CLASRP: variants seen among roughly 807,000 people sequenced by gnomAD.
CLASRP encodes CLK4-associating serine/arginine rich protein.
CLASRP carries 52 observed loss-of-function variants against 99.9 expected under a neutral mutation model. The observed-to-expected ratio is 0.52, with a 90% CI of 0.42 to 0.66. The LOEUF is 0.66. Ranked by LOEUF, CLASRP falls within the 30% of genes least tolerant of loss-of-function variation. CLASRP has a pLI of 0.00. For synonymous variants in CLASRP, 379 were observed against 373.0 expected (o/e 1.02, Z -0.18); for missense variants, 848 against 999.2 (o/e 0.85, Z 2.04).
In CLASRP at chr19:45,064,497, C is replaced by G. The variant is rs906709447; in HGVS notation, c.1276C>G (p.Arg426Gly). The G allele has an allele frequency of 1.3e-6, 2 of 1,535,898 alleles. No homozygotes were observed. Among genetic ancestry groups the G allele is most frequent in the African/African-American group, 2.7e-5 (2 of 72,940 alleles). The change falls in exon 13 of 21, where the codon CGC becomes GGC. Residue 426 changes from arginine to glycine, a missense_variant. Around this residue, in one of 8 missense-constraint regions of CLASRP, gnomAD observed 489 missense variants for 434.7 expected, o/e 1.12. Transcript: ENST00000221455. ...CCGGTCCCGCTCCTGGTCCCGCTCC[C>G]GCTCCCGCTCCCGGCGCTATTCCCG... ...RSRSRSWSRSRSRSRRYSRSR... is the reference protein window; with the variant it reads ...RSRSRSWSRSGSRSRRYSRSR...
intron 10 of CLASRP, among the ~76,000 whole-genome samples, chr19:45,061,176 A>G (rs1458770267): frequency 6.6e-6 from 1 of 152,196 alleles, no homozygotes; most frequent in African/African-American, 2.4e-5. Flanking sequence ...GTGCAAACCC[A>G]TGCCTCTTTT....
At chr19:45,039,504 C>G (rs965377734) in intron 1 of CLASRP, 1 of 152,634 alleles carries the variant, frequency 6.6e-6, no homozygotes, top group African/African-American at 2.4e-5. Context: ...CCAGCTCCGC[C>G]TCTCTCAGGC....
In CLASRP at chr19:45,060,605, G is replaced by T. The variant is rs760206390; in HGVS notation, c.841G>T (p.Gly281Cys). 1.9e-6 allele frequency: 3 copies of T among 1,608,172 alleles called. No homozygotes were observed. The highest frequency in any genetic ancestry group is 2.5e-6 in the Non-Finnish European group (3 of 1,178,024). Residue 281 changes from glycine to cysteine, a missense_variant, in exon 10 of 21, where the codon GGT (glycine) becomes TGT (cysteine). Physicochemically the swap from Gly to Cys is radical, Grantham distance 159. Transcript: ENST00000221455. This position sits in a 1 kb window ranked among gnomAD's most constrained non-coding sequence, Gnocchi z 4.6. Reference sequence around the variant, plus strand: ...AGAGTTTCGGGAGAAGCGGCTGAGGGGTCGCAAGATCAGCCCACCCAGGTA... The same window carrying T: ...AGAGTTTCGGGAGAAGCGGCTGAGGTGTCGCAAGATCAGCCCACCCAGGTA... The part of the protein sequence containing the change: ...RREFREKRLR[G>C]RKISPPSYAR...
At chr19:45,058,203 C>T (rs1188687271) in intron 7 of CLASRP, 1 of 385,202 alleles carries the variant, frequency 2.6e-6, no homozygotes, top group East Asian at 4.8e-5. Flanking sequence ...CTCTCCTGCT[C>T]TCTTCCCTCC....
intron 5 of CLASRP, among the ~76,000 whole-genome samples, chr19:45,056,187 C>G (rs1048654288): frequency 6.6e-6 from 1 of 152,200 alleles, no homozygotes; most frequent in Non-Finnish European, 1.5e-5. Flanking sequence ...GCCAGGCACT[C>G]ACTCTGCCCG....
chr19:45,070,451 T>C, intron 19 of CLASRP, 86 bp from the exon 20 acceptor site: 1 of 1,216,868 alleles, frequency 8.2e-7, no homozygotes, highest in Non-Finnish European at 1.2e-6. Context: ...CCCCTGAAGT[T>C]CAGTTTTGAG....
At chr19:45,065,795 G>A (rs1432099516) in intron 13 of CLASRP, among the ~76,000 whole-genome samples, 4 of 152,164 alleles carry the variant, frequency 2.6e-5, no homozygotes, top group East Asian at 3.9e-4. Flanking sequence ...CTGTAAAATC[G>A]CGGTAATAGC....
rs1204533071 is a variant in CLASRP at position 45,064,332 on chromosome 19, C to T, written c.1122-11C>T. On this transcript the variant is annotated splice_polypyrimidine_tract_variant and intron_variant, in intron 12 of 20. Coordinates refer to ENST00000221455, the MANE Select transcript of CLASRP (RefSeq NM_007056.3). Reference sequence around the variant, plus strand: ...GCCTGCGCTGACCGGCCCTCCGTGCCCCGCCTGCAGCCGCCGCTCCTCCTC... The same window carrying T: ...GCCTGCGCTGACCGGCCCTCCGTGCTCCGCCTGCAGCCGCCGCTCCTCCTC... 4 of 1,522,352 alleles carry T rather than the reference C, an allele frequency of 2.6e-6. No homozygotes were observed. Among genetic ancestry groups the T allele is most frequent in the Non-Finnish European group, 3.5e-6 (4 of 1,139,002 alleles). 94.3% of individuals were successfully genotyped at this position (1,522,352 alleles called of 1,614,324 possible). A position where few individuals can be genotyped will look rare whatever the true frequency, so the allele number is the denominator to read the frequency against.
intron 18 of CLASRP, chr19:45,069,672 C>T (rs1328728168): frequency 1.8e-5 from 8 of 437,980 alleles, no homozygotes; most frequent in Admixed American, 3.8e-5. Flanking sequence ...AGGCCAGGCA[C>T]GGAGGAGGCA....
chr19:45,057,924 A>C (rs1181225751), intron 7 of CLASRP, 26 bp downstream of exon 7: 1 of 1,612,262 alleles, frequency 6.2e-7, no homozygotes, highest in East Asian at 2.2e-5. Flanking sequence ...TGCCCTCCCC[A>C]CCTGCAGTCC....
chr19:45,040,355 G>A lies in CLASRP; in HGVS notation c.99+44G>A, dbSNP rs376349112. 2.3e-5 allele frequency: 32 copies of A among 1,401,706 alleles called. No homozygotes were observed. The African/African-American group carries it at 3.2e-4, about 14-fold the overall frequency. The allele number at this position is 1,401,706 out of a possible 1,614,324, so 86.8% of individuals were successfully genotyped here. On this transcript the variant is annotated intron_variant, in intron 2 of 20. Coordinates refer to ENST00000221455, the MANE Select transcript of CLASRP (RefSeq NM_007056.3). Reference sequence around the variant, plus strand: ...GTCTGGGGTGAGGGACCCTGGGTTGGGGGGCACAGCTGGTCATCCTGGTAA... The same window carrying A: ...GTCTGGGGTGAGGGACCCTGGGTTGAGGGGCACAGCTGGTCATCCTGGTAA...
rs754087821 is a variant in CLASRP, at chr19:45,069,197, T to A, written c.1828-5T>A. On this transcript the variant is annotated splice_region_variant and splice_polypyrimidine_tract_variant and intron_variant, in intron 17 of 20. Transcript: ENST00000221455. The stretch of plus-strand genomic sequence containing the variant: ...GCCACGTCCTCATAGCCCTGTCTGC[T>A]GCAGGAGCGGGAAGACGAGCTTCGA... The A allele has an allele frequency of 1.2e-6, 2 of 1,614,092 alleles. No individual in the cohort carries two copies. The highest frequency in any genetic ancestry group is 2.2e-5 in the South Asian group (2 of 91,084).
chr19:45,056,702 CAG>C (rs1430640578), intron 6 of CLASRP, among the ~76,000 whole-genome samples, 168 bp downstream of exon 6: 1 of 152,198 alleles, frequency 6.6e-6, no homozygotes, highest in Non-Finnish European at 1.5e-5. Flanking sequence ...GAAGCCCTGT[CAG>C]GGGGCCCCGG....
intron 18 of CLASRP, 152 bp downstream of exon 18, chr19:45,069,400 C>T (rs577099649): frequency 2.6e-6 from 2 of 763,764 alleles, no homozygotes; most frequent in South Asian, 1.6e-5. Context: ...GCCCAGCTGC[C>T]TCTCTTGCTC....
chr19:45,039,215 C>G (rs1600088651), intron 1 of CLASRP, 107 bp downstream of exon 1: 1 of 152,458 alleles, frequency 6.6e-6, no homozygotes, highest in East Asian at 1.9e-4. Flanking sequence ...TGCTGCGTCC[C>G]GGCCCCGAGG....
chr19:45,062,177 C>A lies in CLASRP; in HGVS notation c.887C>A (p.Thr296Asn). The change falls in exon 11 of 21, where the codon ACC becomes AAC. Residue 296 changes from threonine (T) to asparagine (N), a missense_variant. Thr to Asn is a moderately conservative substitution (Grantham distance 65). Around this residue, in one of 8 missense-constraint regions of CLASRP, gnomAD observed 489 missense variants for 434.7 expected, o/e 1.12. Coordinates refer to ENST00000221455, the MANE Select transcript of CLASRP (RefSeq NM_007056.3). ...PPSYARRDSP[T>N]YDPYKRSPSE... The stretch of plus-strand genomic sequence containing the variant: ...AGCTATGCCCGCCGAGACAGCCCCA[C>A]CTATGACCCCTATAAGCGGTAAGTT... 6.5e-7 allele frequency: 1 copy of A among 1,545,598 alleles called. No individual in the cohort carries two copies. Among genetic ancestry groups the A allele is most frequent in the Non-Finnish European group, 8.9e-7 (1 of 1,117,708 alleles).
At chr19:45,056,608 C>T in intron 6 of CLASRP, 74 bp downstream of exon 6, 1 of 1,182,512 alleles carries the variant, frequency 8.5e-7, no homozygotes, top group Non-Finnish European at 1.3e-6. Flanking sequence ...ATGGCCTCTT[C>T]CATCCTGTCC....
rs199645021 is a variant in CLASRP, at chr19:45,055,371, G to A, written c.380-1079G>A. Reference sequence around the variant, plus strand: ...CACTGGAGGGGCAGAGAGAAGGCCCGTGTGGCTGGAGCAGGGAGAGCGAGG... The same window carrying A: ...CACTGGAGGGGCAGAGAGAAGGCCCATGTGGCTGGAGCAGGGAGAGCGAGG... On this transcript the variant is annotated intron_variant, in intron 5 of 20. Transcript: ENST00000221455. 3.3e-5 allele frequency among the ~76,000 whole-genome samples: 5 copies of A among 152,336 alleles called. No individual in the cohort carries two copies. In the East Asian group the frequency reaches 5.8e-4, roughly 18 times the overall value.
In CLASRP at chr19:45,052,063, C is replaced by G. The variant is rs1374462983; in HGVS notation, c.100-8C>G. 6.2e-7 allele frequency: 1 copy of G among 1,612,812 alleles called. No homozygotes were observed. On this transcript the variant is annotated splice_region_variant and splice_polypyrimidine_tract_variant and intron_variant, in intron 2 of 20. Coordinates refer to ENST00000221455, the MANE Select transcript of CLASRP (RefSeq NM_007056.3). ...GGGTGGTGACCTCAGTCCTGTTTAC[C>G]CCTGCAGAAGAAGGACCCAGCCCAG...
Sources: gnomAD v4.1 joint callset for allele counts (sites outside exome capture counted in the v4.1 genomes callset) on GRCh38, gnomAD v4.1.1 for gene constraint, gnomAD v4.1.1 regional missense constraint, Gnocchi (gnomAD v3.1) non-coding constraint, MANE v1.5 for transcripts, NCBI Gene and HGNC (gene_info 2026-07-23, HGNC 2026-07-21) for gene names.